The following NRG3 variants were observed in gnomAD, a reference collection of about 807,000 sequenced individuals.
NRG3 encodes the protein neuregulin 3.
NRG3 carries 31 observed loss-of-function variants against 66.9 expected under a neutral mutation model. That is an observed-to-expected ratio of 0.46 (90% CI 0.35 to 0.63). The LOEUF (loss-of-function observed/expected upper bound fraction) is 0.63. Among genes scored for constraint, NRG3 ranks in the 20% least tolerant of loss-of-function variants. The pLI is 0.00. For synonymous variants in NRG3, 393 were observed against 359.4 expected (o/e 1.09, Z -1.06); for missense variants, 910 against 878.9 (o/e 1.04, Z -0.45).
intron 1 of NRG3, among the ~76,000 whole-genome samples, chr10:81,938,946 T>G (rs1848157028): frequency 6.6e-6 from 1 of 152,058 alleles, no homozygotes; most frequent in Non-Finnish European, 1.5e-5. Context: ...ATTCCTAGTT[T>G]GTTGAGCGTT....
At chr10:82,002,889 C>G (rs758992862) in intron 1 of NRG3, among the ~76,000 whole-genome samples, 10 of 152,152 alleles carry the variant, frequency 6.6e-5, no homozygotes, top group Non-Finnish European at 1.3e-4. Flanking sequence ...AAGTGCCAGG[C>G]ATTATGAATG....
At chr10:82,392,257 G>A (rs543960639) in intron 2 of NRG3, among the ~76,000 whole-genome samples, 55 of 152,204 alleles carry the variant, frequency 3.6e-4, no homozygotes, top group African/African-American at 6.7e-4. Flanking sequence ...GTGATAAAGC[G>A]AGAAATAATA....
intron 1 of NRG3, among the ~76,000 whole-genome samples, chr10:82,132,852 T>C (rs1210261446): frequency 6.6e-6 from 1 of 151,856 alleles, no homozygotes; most frequent in Non-Finnish European, 1.5e-5. Context: ...TTTTTCAATT[T>C]ATTGACATAT....
At chr10:82,213,676 C>T (rs1244561122) in intron 1 of NRG3, among the ~76,000 whole-genome samples, 1 of 152,052 alleles carries the variant, frequency 6.6e-6, no homozygotes, top group Non-Finnish European at 1.5e-5. Flanking sequence ...TACTGTGTAT[C>T]CCAGCATTTT....
At chr10:82,017,241 A>G (rs1188079804) in intron 1 of NRG3, among the ~76,000 whole-genome samples, 1 of 152,108 alleles carries the variant, frequency 6.6e-6, no homozygotes, top group East Asian at 1.9e-4. Context: ...AGCTTCATCC[A>G]TGTCCCTACA....
At chr10:82,794,901 A>G (rs1378245034) in intron 3 of NRG3, among the ~76,000 whole-genome samples, 1 of 152,150 alleles carries the variant, frequency 6.6e-6, no homozygotes, top group Non-Finnish European at 1.5e-5. Context: ...CCCAAATGTA[A>G]TATTGGTGAC....
At chr10:82,422,268 G>A in intron 2 of NRG3, among the ~76,000 whole-genome samples, 1 of 151,996 alleles carries the variant, frequency 6.6e-6, no homozygotes, top group East Asian at 1.9e-4. Context: ...AAAATGTAGA[G>A]AAAACAGAGA....
chr10:82,607,133 A>T (rs182804827), intron 2 of NRG3, among the ~76,000 whole-genome samples: 29 of 152,324 alleles, frequency 1.9e-4, no homozygotes, highest in African/African-American at 7.0e-4. Flanking sequence ...TCAAATCTGG[A>T]GGTCCTGTAA....
Position 82,619,117 on chromosome 10 carries a change from C to T in NRG3, c.954-119460C>T, listed in dbSNP as rs75209459. ...CCAAAGTATTACTGCCATTTTTTTC[C>T]ATTTATATTTTAGTATAGTTCCAAT... is the stretch of plus-strand genomic sequence containing the variant. On this transcript the variant is annotated intron_variant, in intron 2 of 8. Transcript: ENST00000372141. Among the ~76,000 whole-genome samples the T allele has an allele frequency of 5.2e-3, 786 of 151,688 alleles. 6 individuals carry two copies. The highest frequency in any genetic ancestry group is 0.017 in the African/African-American group (691 of 41,368).
At chr10:82,623,617 G>C (rs1377192835) in intron 2 of NRG3, among the ~76,000 whole-genome samples, 1 of 152,182 alleles carries the variant, frequency 6.6e-6, no homozygotes, top group South Asian at 2.1e-4. Context: ...TAGTACCTGT[G>C]AGACAGAAAA....
intron 1 of NRG3, among the ~76,000 whole-genome samples, chr10:82,345,993 A>G (rs973825673): frequency 2.6e-5 from 4 of 152,170 alleles, no homozygotes; most frequent in Non-Finnish European, 4.4e-5. Context: ...CTAGATATAC[A>G]ATCATGTCAT....
At chr10:82,672,173 GC>G (rs1275526622) in intron 2 of NRG3, among the ~76,000 whole-genome samples, 1 of 152,130 alleles carries the variant, frequency 6.6e-6, no homozygotes, top group Admixed American at 6.5e-5. Flanking sequence ...AAAGAAGCAG[GC>G]CTCAAGCAGG....
chr10:82,486,117 G>C (rs902655164), intron 2 of NRG3, among the ~76,000 whole-genome samples: 3 of 152,138 alleles, frequency 2.0e-5, no homozygotes, highest in Non-Finnish European at 2.9e-5. Flanking sequence ...ACACTTCTGA[G>C]CATGGCCATT....
intron 1 of NRG3, among the ~76,000 whole-genome samples, chr10:81,993,275 G>A (rs1022167265): frequency 2.6e-5 from 4 of 152,164 alleles, no homozygotes; most frequent in South Asian, 2.1e-4. Context: ...TGAAACTAAA[G>A]CCTAGAGAGA....
At chr10:82,952,873 A>G (rs1007980588) in intron 5 of NRG3, among the ~76,000 whole-genome samples, 1 of 151,938 alleles carries the variant, frequency 6.6e-6, no homozygotes, top group Non-Finnish European at 1.5e-5. Flanking sequence ...TATCTTCCTA[A>G]TAAACTATTT....
chr10:82,014,280 T>C (rs2132667320), intron 1 of NRG3, among the ~76,000 whole-genome samples: 1 of 152,288 alleles, frequency 6.6e-6, no homozygotes, highest in South Asian at 2.1e-4. Flanking sequence ...TCAACATTTC[T>C]GTGATAGAGG....
At chr10:82,932,474 G>A (rs767121556) in intron 4 of NRG3, among the ~76,000 whole-genome samples, 18 of 152,100 alleles carry the variant, frequency 1.2e-4, no homozygotes, top group Non-Finnish European at 2.6e-4. Flanking sequence ...CATTGGTAAG[G>A]TACCAATTTG....
intron 1 of NRG3, among the ~76,000 whole-genome samples, chr10:82,180,814 G>T (rs1424489143): frequency 6.6e-6 from 1 of 151,890 alleles, no homozygotes; most frequent in African/African-American, 2.4e-5. Flanking sequence ...GATTTGAGAA[G>T]AACTGTTGTT....
At chr10:82,797,275 C>G (rs2060840310) in intron 3 of NRG3, among the ~76,000 whole-genome samples, 1 of 152,178 alleles carries the variant, frequency 6.6e-6, no homozygotes, top group Non-Finnish European at 1.5e-5. Context: ...ATGGCTCTCT[C>G]TGGGCCACAT....
Sources: allele counts gnomAD v4.1 joint callset (sites outside exome capture counted in the v4.1 genomes callset), GRCh38; gene constraint gnomAD v4.1.1; transcripts MANE v1.5; gene names NCBI Gene and HGNC (gene_info 2026-07-23, HGNC 2026-07-21).